RAD9B: variants seen among roughly 807,000 people sequenced by gnomAD.
The protein encoded by RAD9B is RAD9 checkpoint clamp component B, also known as cell cycle checkpoint control protein RAD9B.
RAD9B carries 41 observed loss-of-function variants against 48.3 expected under a neutral mutation model. The ratio of observed to expected loss-of-function variants is 0.85; its 90% CI spans 0.66 to 1.10. The LOEUF (loss-of-function observed/expected upper bound fraction) is 1.10. Among genes scored for constraint, RAD9B ranks in the 50% least tolerant of loss-of-function variants. The pLI is 0.00. For synonymous variants in RAD9B, 160 were observed against 157.9 expected (o/e 1.01, Z -0.10); for missense variants, 444 against 485.1 (o/e 0.92, Z 0.80).
rs796445073 is a variant in RAD9B, at chr12:110,520,641, T to G, written c.890+725T>G. ...CTTTCTTGCTTTCTTTTTTTTTTTT[T>G]TTTTTGTTGTTTTTTTTTTGTTTTT... On this transcript the variant is annotated intron_variant, in intron 9 of 10. Transcript: ENST00000409300. Among the ~76,000 whole-genome samples the G allele has an allele frequency of 6.8e-3, 998 of 145,894 alleles. 2 individuals carry two copies. The highest frequency in any genetic ancestry group is 9.6e-3 in the Non-Finnish European group (635 of 65,908).
Position 110,518,873 on chromosome 12 carries a change from G to T in RAD9B, c.703-1G>T. The T allele has an allele frequency of 6.3e-7, 1 of 1,577,034 alleles. No homozygotes were observed. Among genetic ancestry groups the T allele is most frequent in the Non-Finnish European group, 8.6e-7 (1 of 1,161,278 alleles). On this transcript the variant is annotated splice_acceptor_variant, in intron 7 of 10. Coordinates refer to ENST00000409300, the MANE Select transcript of RAD9B (RefSeq NM_001286535.2). LOFTEE classifies it high-confidence loss of function. ...GTTTTTTTCTTCTTTTCTTTTTTCA[G>T]GGAATACTGACATTTTCAGAAGCTA... is the stretch of plus-strand genomic sequence containing the variant.
chr12:110,532,595 T>A lies in RAD9B; in HGVS notation c.*1942T>A, dbSNP rs2064168219. 6.6e-6 allele frequency among the ~76,000 whole-genome samples: 1 copy of A among 152,228 alleles called. No homozygotes were observed. Among genetic ancestry groups the A allele is most frequent in the Non-Finnish European group, 1.5e-5 (1 of 68,046 alleles). On this transcript the variant is annotated 3_prime_UTR_variant, in exon 11 of 11. Transcript: ENST00000409300. Reference sequence around the variant, plus strand: ...AGAATTTGGATACAGAGTGCTAAGCTGAAATACAGTCATGTGCTGCATAAC... The same window carrying A: ...AGAATTTGGATACAGAGTGCTAAGCAGAAATACAGTCATGTGCTGCATAAC...
At chr12:110,516,284 C>T (rs1036670457) in intron 6 of RAD9B, among the ~76,000 whole-genome samples, 26 of 151,136 alleles carry the variant, frequency 1.7e-4, no homozygotes, top group African/African-American at 6.3e-4. Context: ...CACAAATTGC[C>T]TAGTGAAAGG....
At position 110,531,491 on chromosome 12, in the gene RAD9B, C is replaced by CT. The variant is rs1244553554; in HGVS notation, c.*839dup. The CT allele has an allele frequency of 6.8e-5, 67 of 986,330 alleles. No individual in the cohort carries two copies. Among genetic ancestry groups the CT allele is most frequent in the Non-Finnish European group, 8.4e-5 (54 of 644,180 alleles). The allele number at this position is 986,330 out of a possible 1,614,324, so 61.1% of individuals were successfully genotyped here. A position where few individuals can be genotyped will look rare whatever the true frequency, so the allele number is the denominator to read the frequency against. On this transcript the variant is annotated 3_prime_UTR_variant, in exon 11 of 11. Transcript: ENST00000409300. The stretch of plus-strand genomic sequence containing the variant: ...ACAGACTTGAGCCACTGCGCCCAAC[C>CT]TGGAGTGTTTTTACATATTGTAAAA...
At chr12:110,522,147 T>C in intron 9 of RAD9B, 30 bp from the exon 10 acceptor site, 1 of 1,359,898 alleles carries the variant, frequency 7.4e-7, no homozygotes, top group Non-Finnish European at 1.0e-6. Flanking sequence ...AATAAACAGT[T>C]CATTCATTTA....
intron 10 of RAD9B, among the ~76,000 whole-genome samples, chr12:110,523,437 A>T (rs1593102711): frequency 6.6e-6 from 1 of 152,168 alleles, no homozygotes; most frequent in Non-Finnish European, 1.5e-5. Context: ...TTAAAAAAAT[A>T]AAAAATTCAC....
intron 4 of RAD9B, among the ~76,000 whole-genome samples, chr12:110,507,543 A>T (rs2063333899): frequency 4.3e-5 from 2 of 46,996 alleles, no homozygotes; most frequent in African/African-American, 1.9e-4. Flanking sequence ...TATAATACAT[A>T]ATATATGTAT....
chr12:110,514,177 A>G (rs1486697416), intron 5 of RAD9B, among the ~76,000 whole-genome samples: 5 of 152,170 alleles, frequency 3.3e-5, no homozygotes, highest in Non-Finnish European at 7.3e-5. Context: ...AAGTTCCCAA[A>G]TGAATTTTGT....
intron 10 of RAD9B, among the ~76,000 whole-genome samples, chr12:110,527,006 G>C (rs2135733329): frequency 6.6e-6 from 1 of 152,038 alleles, no homozygotes; most frequent in Non-Finnish European, 1.5e-5. Flanking sequence ...CACAAATTTA[G>C]TGGCTTGAAA....
intron 5 of RAD9B, among the ~76,000 whole-genome samples, chr12:110,513,368 G>A (rs937900279): frequency 6.6e-6 from 1 of 151,896 alleles, no homozygotes; most frequent in African/African-American, 2.4e-5. Context: ...ATAACTAATG[G>A]TAGCTATAAT....
intron 4 of RAD9B, among the ~76,000 whole-genome samples, chr12:110,507,258 A>G (rs2063304372): frequency 6.6e-6 from 1 of 150,858 alleles, no homozygotes; most frequent in South Asian, 2.1e-4. Context: ...CTTTGCCTGC[A>G]TACAGCCTAA....
intron 6 of RAD9B, among the ~76,000 whole-genome samples, chr12:110,517,357 G>A (rs1349819398): frequency 1.3e-5 from 2 of 151,882 alleles, no homozygotes; most frequent in African/African-American, 2.4e-5. Flanking sequence ...GGGCGTGGTG[G>A]CTCATGCCTG....
chr12:110,505,814 T>C, intron 3 of RAD9B, 42 bp downstream of exon 3: 2 of 1,502,710 alleles, frequency 1.3e-6, no homozygotes, highest in Non-Finnish European at 9.2e-7. Flanking sequence ...TCTGTAGAAA[T>C]ATTCATTATA....
intron 4 of RAD9B, among the ~76,000 whole-genome samples, chr12:110,508,818 T>G (rs2063369468): frequency 6.6e-6 from 1 of 152,036 alleles, no homozygotes; most frequent in Non-Finnish European, 1.5e-5. Context: ...AAAGTCTCAC[T>G]CTGTCACCCA....
intron 6 of RAD9B, among the ~76,000 whole-genome samples, chr12:110,517,836 T>G (rs2063655307): frequency 6.6e-6 from 1 of 151,606 alleles, no homozygotes; most frequent in South Asian, 2.1e-4. Context: ...ATAGCCAAGA[T>G]ATATTGATAT....
chr12:110,528,956 G>A (rs1404136668), intron 10 of RAD9B, among the ~76,000 whole-genome samples: 2 of 152,118 alleles, frequency 1.3e-5, no homozygotes, highest in African/African-American at 4.8e-5. Context: ...TCGAACTCCT[G>A]AGCTCAGGTG....
chr12:110,504,919 T>C (rs1420136724), intron 2 of RAD9B, among the ~76,000 whole-genome samples: 1 of 152,068 alleles, frequency 6.6e-6, no homozygotes, highest in African/African-American at 2.4e-5. Context: ...GAGGGAGGAT[T>C]GGTTGAGGCC....
intron 4 of RAD9B, among the ~76,000 whole-genome samples, chr12:110,507,443 A>G (rs1315529297): frequency 1.4e-5 from 2 of 140,150 alleles, no homozygotes; most frequent in African/African-American, 5.2e-5. Context: ...TATTAAATAT[A>G]ATATATAACA....
intron 4 of RAD9B, among the ~76,000 whole-genome samples, chr12:110,512,035 C>T (rs530367933): frequency 8.6e-5 from 13 of 151,832 alleles, no homozygotes; most frequent in Non-Finnish European, 1.6e-4. Context: ...TTAGTAGAGA[C>T]GGAGTTTCAC....
Sources: allele counts gnomAD v4.1 joint callset (sites outside exome capture counted in the v4.1 genomes callset), GRCh38; gene constraint gnomAD v4.1.1; transcripts MANE v1.5; gene names NCBI Gene and HGNC (gene_info 2026-07-23, HGNC 2026-07-21).